The following PNPLA5 variants were observed in gnomAD, a reference collection of about 807,000 sequenced individuals.
The protein encoded by PNPLA5 is patatin-like phospholipase domain-containing protein 5.
A neutral mutation model predicts 49.1 loss-of-function variants in PNPLA5; 44 were observed. The observed-to-expected ratio is 0.90, with a 90% CI of 0.70 to 1.15. PNPLA5 has a LOEUF of 1.15. PNPLA5 is among the 50% of genes most tolerant of loss of function. The pLI is 0.00. For synonymous variants in PNPLA5, 243 were observed against 244.4 expected, an observed-to-expected ratio of 0.99 and a Z score of 0.06; for missense variants, 603 against 564.0, an observed-to-expected ratio of 1.07 and a Z score of -0.70.
At chr22:43,885,956 GC>G (rs2049659524) in intron 6 of PNPLA5, among the ~76,000 whole-genome samples, 1 of 152,182 alleles carries the variant, frequency 6.6e-6, no homozygotes, top group Non-Finnish European at 1.5e-5. Flanking sequence ...CAACACTCCC[GC>G]CCTTTCCGGG....
intron 6 of PNPLA5, among the ~76,000 whole-genome samples, chr22:43,884,743 G>A (rs2049645002): frequency 2.0e-5 from 3 of 152,018 alleles, no homozygotes; most frequent in South Asian, 2.1e-4. Context: ...ACAGTAACAC[G>A]ACAGTGTTAT....
At chr22:43,889,706 C>A in intron 3 of PNPLA5, 93 bp downstream of exon 3, 1 of 1,526,782 alleles carries the variant, frequency 6.5e-7, no homozygotes, top group South Asian at 1.3e-5. Flanking sequence ...AGTAGGTGCT[C>A]AAGGAGCGCT....
chr22:43,882,390 A>C (rs1266139276), intron 7 of PNPLA5, among the ~76,000 whole-genome samples: 1 of 152,204 alleles, frequency 6.6e-6, no homozygotes, highest in Admixed American at 6.5e-5. Context: ...CGGACACCTC[A>C]GACACTGGCC....
chr22:43,887,647 A>G lies in PNPLA5; in HGVS notation c.707T>C (p.Val236Ala). ...GTAGCCTTGTCTGCAGTTGTCGGCC[A>G]CTACCTGCCAACACACAGGGCAAGG... Reference protein sequence around the residue: ...ICLIPPSLEVVADNCRQGYLD... With the variant: ...ICLIPPSLEVAADNCRQGYLD... Residue 236 changes from valine to alanine, a missense_variant, in exon 5 of 9, where the codon GTG becomes GCG. By Grantham distance (64) the Val-to-Ala change is moderately conservative. Coordinates refer to ENST00000216177, the MANE Select transcript of PNPLA5 (RefSeq NM_138814.4). 1 of 1,602,306 alleles carries G rather than the reference A, an allele frequency of 6.2e-7. No individual in the cohort carries two copies. Among genetic ancestry groups the G allele is most frequent in the Non-Finnish European group, 8.5e-7 (1 of 1,173,654 alleles).
intron 4 of PNPLA5, 65 bp downstream of exon 4, chr22:43,889,264 G>C: frequency 6.4e-7 from 1 of 1,571,532 alleles, no homozygotes; most frequent in South Asian, 1.1e-5. Flanking sequence ...GGAGCACACA[G>C]AGTCTGACTC....
chr22:43,891,014 G>A (rs1380489914), intron 2 of PNPLA5, 48 bp downstream of exon 2: 2 of 1,574,718 alleles, frequency 1.3e-6, no homozygotes. Flanking sequence ...CTCTGGACTA[G>A]ATGGAGCCCG....
rs1447422113 is a variant in PNPLA5, at chr22:43,880,694, G to A, written c.*101C>T. On this transcript the variant is annotated 3_prime_UTR_variant, in exon 9 of 9. Coordinates refer to ENST00000216177, the MANE Select transcript of PNPLA5 (RefSeq NM_138814.4). ...AAGCTGCAGGGTCTCCACGGAGATT[G>A]GCAGGGCCTCTTCCCGCTGGGGCAG... The A allele has an allele frequency of 4.4e-6, 5 of 1,128,342 alleles. No homozygotes were observed. The highest frequency in any genetic ancestry group is 5.6e-6 in the Non-Finnish European group (5 of 887,160). 69.9% of individuals were successfully genotyped at this position (1,128,342 alleles called of 1,614,324 possible).
intron 4 of PNPLA5, among the ~76,000 whole-genome samples, 180 bp downstream of exon 4, chr22:43,889,149 C>T (rs777117708): frequency 6.6e-6 from 1 of 152,190 alleles, no homozygotes; most frequent in African/African-American, 2.4e-5. Context: ...GCAGCAAGAA[C>T]AGTAAGGACA....
At chr22:43,890,651 T>C (rs713964) in intron 2 of PNPLA5, among the ~76,000 whole-genome samples, 51,114 of 152,146 alleles carry the variant, frequency 0.34, 8,883 homozygotes, top group South Asian at 0.47. Context: ...CAAGGGTTTC[T>C]GTCTGTTTTG....
chr22:43,880,779 G>C lies in PNPLA5; in HGVS notation c.*16C>G. The stretch of plus-strand genomic sequence containing the variant: ...TCAAGGGACACCAGTCACTGGGCTG[G>C]CCCTGCTCGGCCCCCTCAGGCCTGG... On this transcript the variant is annotated 3_prime_UTR_variant, in exon 9 of 9. Coordinates refer to ENST00000216177, the MANE Select transcript of PNPLA5 (RefSeq NM_138814.4). 7.6e-7 allele frequency: 1 copy of C among 1,321,258 alleles called. No individual in the cohort carries two copies. The highest frequency in any genetic ancestry group is 9.7e-7 in the Non-Finnish European group (1 of 1,030,040). The allele number at this position is 1,321,258 out of a possible 1,614,324, so 81.8% of individuals were successfully genotyped here.
intron 7 of PNPLA5, among the ~76,000 whole-genome samples, chr22:43,883,202 C>T (rs533741710): frequency 6.6e-6 from 1 of 152,348 alleles, no homozygotes; most frequent in East Asian, 1.9e-4. Flanking sequence ...GGGCAGCCTT[C>T]CCTGGCCAGA....
chr22:43,885,264 C>T (rs4557090), intron 6 of PNPLA5, among the ~76,000 whole-genome samples: 1 of 152,204 alleles, frequency 6.6e-6, no homozygotes, highest in South Asian at 2.1e-4. Flanking sequence ...CATTTCTGCA[C>T]GTCCTCGTGT....
intron 2 of PNPLA5, among the ~76,000 whole-genome samples, chr22:43,890,279 G>C (rs1181451873): frequency 6.6e-6 from 1 of 152,218 alleles, no homozygotes; most frequent in Non-Finnish European, 1.5e-5. Context: ...GTCAGGGCCA[G>C]GATGGGTTCT....
chr22:43,888,080 G>A (rs2049684385), intron 4 of PNPLA5, among the ~76,000 whole-genome samples: 1 of 152,198 alleles, frequency 6.6e-6, no homozygotes, highest in South Asian at 2.1e-4. Flanking sequence ...CCAGACTGAG[G>A]TGGGCTGAGG....
At chr22:43,888,810 A>AT (rs1227154198) in intron 4 of PNPLA5, among the ~76,000 whole-genome samples, 12 of 151,816 alleles carry the variant, frequency 7.9e-5, no homozygotes, top group Non-Finnish European at 1.3e-4. Context: ...CGCTTCCTTC[A>AT]TTTTTTTCTT....
intron 6 of PNPLA5, 150 bp downstream of exon 6, chr22:43,886,153 C>T: frequency 1.2e-6 from 1 of 812,616 alleles, no homozygotes; most frequent in Non-Finnish European, 1.8e-6. Flanking sequence ...ATGTGAAAAG[C>T]CCATAGTACC....
intron 4 of PNPLA5, among the ~76,000 whole-genome samples, chr22:43,888,269 C>T (rs867640909): frequency 4.6e-5 from 7 of 151,656 alleles, no homozygotes; most frequent in African/African-American, 7.3e-5. Context: ...TGGGGAGTAC[C>T]GGAGTAAATG....
chr22:43,884,494 G>A, intron 6 of PNPLA5, 149 bp from the exon 7 acceptor site: 1 of 1,156,662 alleles, frequency 8.6e-7, no homozygotes, highest in Non-Finnish European at 1.1e-6. Flanking sequence ...CCACAGGCCA[G>A]CAGGTAGCTC....
chr22:43,882,741 G>T (rs576681330), intron 7 of PNPLA5, among the ~76,000 whole-genome samples: 41 of 152,236 alleles, frequency 2.7e-4, no homozygotes, highest in African/African-American at 8.2e-4. Flanking sequence ...AGAATCTGTC[G>T]GTAGAAAGCT....
Sources: allele counts gnomAD v4.1 joint callset (sites outside exome capture counted in the v4.1 genomes callset), GRCh38; gene constraint gnomAD v4.1.1; transcripts MANE v1.5; gene names NCBI Gene and HGNC (gene_info 2026-07-23, HGNC 2026-07-21).